The following HAUS7 variants were observed in gnomAD, a reference collection of about 807,000 sequenced individuals.
HAUS7 encodes HAUS augmin like complex subunit 7, also known as HAUS augmin-like complex subunit 7.
A neutral mutation model predicts 28.4 loss-of-function variants in HAUS7; 3 were observed. That is an observed-to-expected ratio of 0.11 (90% CI 0.05 to 0.27). HAUS7 has a LOEUF of 0.27. Among genes scored for constraint, HAUS7 ranks in the 10% least tolerant of loss-of-function variants. HAUS7 has a pLI of 1.00. For missense variants in HAUS7, 284 were observed against 297.3 expected (o/e 0.96, Z 0.33); for synonymous variants, 165 against 132.1 (o/e 1.25, Z -1.71).
chrX:153,483,647 C>T lies in HAUS7; in HGVS notation c.-589+11727G>A, dbSNP rs781920611. ...GTCTTCGGTGGGTCACTGGGGTCAC[C>T]TCCCTCCCTGCTTAGGTTAGCCTGG... is the stretch of plus-strand genomic sequence containing the variant. On this transcript the variant is annotated intron_variant, in intron 1 of 5. Coordinates refer to the HAUS7 transcript ENST00000370210. Among the ~76,000 whole-genome samples, 33 of 111,927 alleles carry T rather than the reference C, an allele frequency of 2.9e-4. No homozygotes were observed. The Admixed American group carries it at 3.1e-3, about 10-fold the overall frequency.
chrX:153,455,903 A>C lies in HAUS7; in HGVS notation c.706-137T>G, dbSNP rs782247366. The C allele has an allele frequency of 1.3e-5, 6 of 458,162 alleles. No homozygotes were observed. The East Asian group carries it at 2.2e-4, about 17-fold the overall frequency. The allele number at this position is 458,162 out of a possible 1,213,427, so 37.8% of individuals were successfully genotyped here. A position where few individuals can be genotyped will look rare whatever the true frequency, so the allele number is the denominator to read the frequency against. On this transcript the variant is annotated intron_variant, in intron 7 of 9. Coordinates refer to ENST00000370211, the MANE Select transcript of HAUS7 (RefSeq NM_001385482.1). The stretch of plus-strand genomic sequence containing the variant: ...ACAGGGACACAGGGGAGCTGTACCG[A>C]GCGACTCAGGCCAGAGCAAGACCTT...
chrX:153,452,204 C>T (rs782055803), intron 9 of HAUS7, among the ~76,000 whole-genome samples: 1 of 112,202 alleles, frequency 8.9e-6, no homozygotes, highest in South Asian at 3.7e-4. Context: ...GAAATGAAGA[C>T]ATTCCCACAT....
At position 153,447,925 on chromosome X, in the gene HAUS7, A is replaced by T; in HGVS notation, c.1046-16T>A. 1.3e-5 allele frequency: 15 copies of T among 1,175,444 alleles called. No homozygotes were observed. Among genetic ancestry groups the T allele is most frequent in the Non-Finnish European group, 1.7e-5 (15 of 863,760 alleles). On this transcript the variant is annotated splice_polypyrimidine_tract_variant and intron_variant, in intron 9 of 9. Coordinates refer to ENST00000370211, the MANE Select transcript of HAUS7 (RefSeq NM_001385482.1). Reference sequence around the variant, plus strand: ...ATCTTGGTAGCTGCAGAGGAAAGAAAAGAAACCAAAAGGATGGTGGGAGTG... The same window carrying T: ...ATCTTGGTAGCTGCAGAGGAAAGAATAGAAACCAAAAGGATGGTGGGAGTG...
Position 153,476,513 on chromosome X carries a change from G to A in HAUS7, c.-588-5368C>T, listed in dbSNP as rs193271066. On this transcript the variant is annotated intron_variant, in intron 1 of 5. Coordinates refer to the HAUS7 transcript ENST00000370210. Reference sequence around the variant, plus strand: ...TGGAAGGGAAGGGGGAGGAGGACAAGGGACAGGAGTCCCTTCCTTGACCTT... The same window carrying A: ...TGGAAGGGAAGGGGGAGGAGGACAAAGGACAGGAGTCCCTTCCTTGACCTT... Among the ~76,000 whole-genome samples the A allele has an allele frequency of 8.5e-4, 95 of 112,103 alleles. 3 individuals are homozygous for A. The highest frequency in any genetic ancestry group is 9.3e-3 in the Middle Eastern group (2 of 215).
chrX:153,450,618 CA>C (rs1221517495), intron 9 of HAUS7, among the ~76,000 whole-genome samples: 4 of 112,639 alleles, frequency 3.6e-5, no homozygotes, highest in Non-Finnish European at 7.5e-5. Flanking sequence ...TTGATGTTTT[CA>C]TGGCAGTGAG....
intron 1 of HAUS7, chrX:153,495,146 C>A (rs782244777): frequency 1.8e-5 from 2 of 110,697 alleles, no homozygotes; most frequent in African/African-American, 6.6e-5. Flanking sequence ...TCCTCAGCAA[C>A]CCAGAGATGC....
Position 153,487,180 on chromosome X carries a change from C to A in HAUS7, c.-589+8194G>T, listed in dbSNP as rs1351259454. The A allele has an allele frequency of 6.9e-5, 14 of 202,829 alleles. No individual in the cohort carries two copies. The East Asian group carries it at 1.2e-3, about 17-fold the overall frequency. 16.7% of individuals were successfully genotyped at this position (202,829 alleles called of 1,213,427 possible). A position where few individuals can be genotyped will look rare whatever the true frequency, so the allele number is the denominator to read the frequency against. On this transcript the variant is annotated intron_variant, in intron 1 of 5. Transcript: ENST00000370210. ...GGTCCCACAGCTTCTCTGAGAGCCT[C>A]CCCACCCCCACCCTGCCTCACCAGG...
intron 9 of HAUS7, 86 bp from the exon 10 acceptor site, chrX:153,447,995 G>A (rs1267252515): frequency 2.7e-6 from 2 of 732,548 alleles, no homozygotes; most frequent in Non-Finnish European, 4.2e-6. Context: ...CGATTCCTCA[G>A]GGATCTAGAA....
intron 3 of HAUS7, among the ~76,000 whole-genome samples, chrX:153,463,426 C>T (rs1327901835): frequency 8.9e-6 from 1 of 111,732 alleles, no homozygotes; most frequent in Non-Finnish European, 1.9e-5. Context: ...TTCCTCTCAG[C>T]GAGTCCAGCC....
chrX:153,471,488 TATGTC>T (rs1417225531), upstream of HAUS7, among the ~76,000 whole-genome samples: 2 of 112,316 alleles, frequency 1.8e-5, no homozygotes, highest in African/African-American at 6.5e-5. Flanking sequence ...TGCAATGAAA[TATGTC>T]AGTCGCTCCT....
intron 7 of HAUS7, 77 bp downstream of exon 7, chrX:153,456,188 A>G: frequency 1.3e-6 from 1 of 787,743 alleles, no homozygotes; most frequent in South Asian, 2.2e-5. Context: ...ACCTCGCCTA[A>G]GCCTCACGTG....
chrX:153,465,742 C>T (rs148930566), intron 2 of HAUS7, among the ~76,000 whole-genome samples: 1 of 112,368 alleles, frequency 8.9e-6, no homozygotes, highest in Non-Finnish European at 1.9e-5. Flanking sequence ...CAGACATGCA[C>T]CACAGGTGAC....
intron 1 of HAUS7, among the ~76,000 whole-genome samples, chrX:153,478,433 G>T (rs1031325927): frequency 1.8e-4 from 20 of 112,563 alleles, no homozygotes; most frequent in African/African-American, 6.4e-4. Flanking sequence ...CTGACCCACA[G>T]GTGCCCCTCT....
chrX:153,486,433 A>G (rs1255618723), intron 1 of HAUS7, among the ~76,000 whole-genome samples: 2 of 111,967 alleles, frequency 1.8e-5, no homozygotes, highest in Non-Finnish European at 3.8e-5. Context: ...GAGGCCTGGC[A>G]CTGAGCCTCG....
Position 153,457,180 on chromosome X carries a change from C to T in HAUS7, c.403G>A (p.Asp135Asn), listed in dbSNP as rs1556982460. The T allele has an allele frequency of 2.4e-5, 29 of 1,203,601 alleles. No homozygotes were observed. Among genetic ancestry groups the T allele is most frequent in the Non-Finnish European group, 2.8e-5 (25 of 888,520 alleles). ...CCAATGGTCAGGCTCCGGATGGTAT[C>T]GAGCAACTGGTCCATGAAGTGTAGC... ...KQLHFMDQLL[D>N]TIRSLTIGCS... Residue 135 changes from aspartate (D) to asparagine (N), a missense_variant, in exon 5 of 10, where the codon GAT (aspartate) becomes AAT (asparagine). Coordinates refer to ENST00000370211, the MANE Select transcript of HAUS7 (RefSeq NM_001385482.1).
intron 1 of HAUS7, chrX:153,481,532 T>C: frequency 1.3e-6 from 1 of 756,325 alleles, no homozygotes; most frequent in Non-Finnish European, 1.6e-6. Context: ...CAGCAGGCCA[T>C]GCCCTCTCTG....
intron 7 of HAUS7, 44 bp from the exon 8 acceptor site, chrX:153,455,810 C>T (rs1323635803): frequency 4.7e-6 from 4 of 849,412 alleles, no homozygotes; most frequent in Non-Finnish European, 5.2e-6. Context: ...CCCTGCCCAC[C>T]AGCCAGGCTG....
chrX:153,452,550 G>A (rs2089252921), intron 9 of HAUS7, among the ~76,000 whole-genome samples: 1 of 112,151 alleles, frequency 8.9e-6, no homozygotes, highest in Admixed American at 9.4e-5. Context: ...GAATTAAAAT[G>A]GTGTACCCAC....
upstream of HAUS7, chrX:153,470,659 A>AC: frequency 9.7e-7 from 1 of 1,030,540 alleles, no homozygotes; most frequent in Non-Finnish European, 1.3e-6. Context: ...GCCTGCGCCC[A>AC]CCCCCTTCCC....
Sources: allele counts gnomAD v4.1 joint callset (sites outside exome capture counted in the v4.1 genomes callset), GRCh38; gene constraint gnomAD v4.1.1; transcripts MANE v1.5; gene names NCBI Gene and HGNC (gene_info 2026-07-23, HGNC 2026-07-21).